Variants in ZBTB37 observed in about 807,000 individuals in gnomAD.
The protein encoded by ZBTB37 is zinc finger and BTB domain containing 37.
Under a neutral mutation model 37.7 loss-of-function variants are expected in ZBTB37, and 15 were observed. The observed-to-expected ratio is 0.40, with a 90% CI of 0.27 to 0.61. ZBTB37 has a LOEUF of 0.61. Ranked by LOEUF, ZBTB37 falls within the 20% of genes least tolerant of loss-of-function variation. The pLI is 0.44. For synonymous variants in ZBTB37, 231 were observed against 220.6 expected (o/e 1.05, Z -0.42); for missense variants, 514 against 641.9 (o/e 0.80, Z 2.15).
At chr1:173,898,538 C>G (rs1657143078) in exon 4 of ZBTB37, 1 of 151,916 alleles carries the variant, frequency 6.6e-6, no homozygotes, top group Non-Finnish European at 1.5e-5. Context: ...TTACAGGTGC[C>G]AGTCACCACA....
At chr1:173,902,291 T>G (rs1317362742) in exon 4 of ZBTB37, 5 of 152,240 alleles carry the variant, frequency 3.3e-5, no homozygotes, top group African/African-American at 1.2e-4. Context: ...AAACAACAAA[T>G]TTATCTAATA....
At chr1:173,874,255 CAAAAAAA>C (rs1285477473) in intron 4 of ZBTB37, among the ~76,000 whole-genome samples, 2 of 46,774 alleles carry the variant, frequency 4.3e-5, no homozygotes, top group Non-Finnish European at 8.7e-5. Flanking sequence ...AACTCCGTCT[CAAAAAAA>C]AAAAAAAAAA....
exon 4 of ZBTB37, chr1:173,902,396 T>G (rs1305190748): frequency 1.3e-5 from 2 of 152,258 alleles, no homozygotes; most frequent in Non-Finnish European, 2.9e-5. Context: ...TAGAGTATTT[T>G]TAGCTGTAAG....
exon 4 of ZBTB37, chr1:173,902,485 AT>A (rs900869908): frequency 6.6e-6 from 1 of 152,268 alleles, no homozygotes; most frequent in Admixed American, 6.5e-5. Flanking sequence ...CAGTTACTCC[AT>A]TAATAGTAAA....
chr1:173,877,600 C>T (rs865984896), intron 4 of ZBTB37, among the ~76,000 whole-genome samples: 3 of 152,068 alleles, frequency 2.0e-5, no homozygotes, highest in Non-Finnish European at 4.4e-5. Flanking sequence ...AGGCTGATCT[C>T]GAATTCCTGA....
rs1262606824 is a variant in ZBTB37 at position 173,874,952 on chromosome 1, G to A, written c.1023+1386G>A. 4.0e-5 allele frequency among the ~76,000 whole-genome samples: 6 copies of A among 151,612 alleles called. No homozygotes were observed. In the East Asian group the frequency reaches 1.2e-3, roughly 29 times the overall value. On this transcript the variant is annotated intron_variant, in intron 4 of 4. Transcript: ENST00000427304. ...TGGGCGTGCAGGAAAATACACTTTC[G>A]ATGTCAGCAGAGTTTGGGAAATATA...
At chr1:173,885,427 T>A (rs557381399) in intron 4 of ZBTB37, among the ~76,000 whole-genome samples, 2 of 152,316 alleles carry the variant, frequency 1.3e-5, no homozygotes, top group South Asian at 4.1e-4. Flanking sequence ...TTTACTGTGT[T>A]GTTCTTTTAT....
exon 4 of ZBTB37, chr1:173,899,083 AG>A (rs1323225099): frequency 1.3e-5 from 2 of 152,234 alleles, no homozygotes; most frequent in Admixed American, 6.5e-5. Context: ...TAATAAGACA[AG>A]CATTACTCAC....
chr1:173,879,065 C>G (rs114101744), intron 4 of ZBTB37, among the ~76,000 whole-genome samples: 2,423 of 145,982 alleles, frequency 0.017, 71 homozygotes, highest in African/African-American at 0.058. Context: ...CCCTCCAGCC[C>G]GGGGAACAAG....
exon 4 of ZBTB37, chr1:173,898,954 AC>A (rs1657157140): frequency 6.6e-6 from 1 of 152,224 alleles, no homozygotes; most frequent in South Asian, 2.1e-4. Context: ...TGAGAGAGTG[AC>A]CCATTTTCAG....
At chr1:173,902,265 C>T (rs1314878497) in exon 4 of ZBTB37, 1 of 152,182 alleles carries the variant, frequency 6.6e-6, no homozygotes, top group African/African-American at 2.4e-5. Context: ...TTTCTAAAGG[C>T]TACCATAATA....
chr1:173,870,727 A>G (rs1267430769), exon 3 of ZBTB37: 1 of 1,614,082 alleles, frequency 6.2e-7, no homozygotes, highest in African/African-American at 1.3e-5. Flanking sequence ...CCCACGACAT[A>G]ATACCCCAAA....
chr1:173,898,771 T>C (rs1057086929), exon 4 of ZBTB37: 1 of 152,208 alleles, frequency 6.6e-6, no homozygotes, highest in African/African-American at 2.4e-5. Context: ...GGGGCACTAG[T>C]GCACTGAGCC....
chr1:173,872,963 C>T (rs1371300828), intron 3 of ZBTB37, among the ~76,000 whole-genome samples: 14 of 151,088 alleles, frequency 9.3e-5, no homozygotes, highest in African/African-American at 3.4e-4. Flanking sequence ...GCTGGGATCA[C>T]GCCACTGTAC....
chr1:173,872,932 A>G (rs910472650), intron 3 of ZBTB37, among the ~76,000 whole-genome samples: 3 of 151,894 alleles, frequency 2.0e-5, no homozygotes, highest in Non-Finnish European at 4.4e-5. Flanking sequence ...GCTTGAACCC[A>G]GGAAGTGGAG....
At chr1:173,872,460 C>A (rs1028860373) in intron 3 of ZBTB37, among the ~76,000 whole-genome samples, 2 of 152,144 alleles carry the variant, frequency 1.3e-5, no homozygotes, top group Non-Finnish European at 2.9e-5. Context: ...GCAGCCTCTA[C>A]CTCTTGGGTT....
intron 4 of ZBTB37, among the ~76,000 whole-genome samples, chr1:173,874,255 CAAAAAAAA>C (rs1285477473): frequency 2.1e-5 from 1 of 46,774 alleles, no homozygotes; most frequent in Non-Finnish European, 4.4e-5. Context: ...AACTCCGTCT[CAAAAAAAA>C]AAAAAAAAAA....
chr1:173,891,953 G>A (rs1166644714), exon 4 of ZBTB37: 2 of 152,098 alleles, frequency 1.3e-5, no homozygotes. Flanking sequence ...CTATAATAGG[G>A]ACTCTCTTCA....
In ZBTB37 at chr1:173,868,371, T is replaced by G. The variant is rs1187516090; in HGVS notation, c.-260T>G. On this transcript the variant is annotated 5_prime_UTR_variant, in exon 1 of 5. Coordinates refer to ENST00000427304, the Ensembl canonical transcript of ZBTB37. The stretch of plus-strand genomic sequence containing the variant: ...GGGGGATTTCACTTCCGGGACGGTG[T>G]TCCGGCCCATTCCGGCCCATTTCCA... 2 of 153,192 alleles carry G rather than the reference T, an allele frequency of 1.3e-5. No individual in the cohort carries two copies. Among genetic ancestry groups the G allele is most frequent in the African/African-American group, 4.8e-5 (2 of 41,464 alleles). 9.5% of individuals were successfully genotyped at this position (153,192 alleles called of 1,614,324 possible).
Sources: allele counts gnomAD v4.1 joint callset (sites outside exome capture counted in the v4.1 genomes callset), GRCh38; gene constraint gnomAD v4.1.1; transcripts MANE v1.5; gene names NCBI Gene and HGNC (gene_info 2026-07-23, HGNC 2026-07-21).